Variants in CDH12 observed in about 807,000 individuals in gnomAD.
The protein encoded by CDH12 is cadherin-12.
In CDH12, 41 loss-of-function variants were observed where a neutral mutation model predicts 74.1. The observed-to-expected ratio is 0.55, with a 90% CI of 0.43 to 0.72. The LOEUF (loss-of-function observed/expected upper bound fraction) is 0.72, where lower values mean the gene tolerates loss of function less well. Among genes scored for constraint, CDH12 ranks in the 30% least tolerant of loss-of-function variants. CDH12 has a pLI of 0.00. For missense variants in CDH12, 945 were observed against 977.2 expected (o/e 0.97, Z 0.44); for synonymous variants, 399 against 355.0 (o/e 1.12, Z -1.39).
intron 1 of CDH12, among the ~76,000 whole-genome samples, chr5:22,746,814 G>T (rs1475326065): frequency 2.0e-5 from 3 of 152,130 alleles, no homozygotes; most frequent in African/African-American, 7.2e-5. Context: ...AGAATATTTA[G>T]CTTCAGATGT....
In CDH12 at chr5:21,975,128, T is replaced by G; in HGVS notation, c.489A>C (p.Gly163=). The change falls in exon 6 of 15, where the codon GGA becomes GGC. Residue 163 remains glycine (G), a synonymous_variant. Coordinates refer to ENST00000382254, the MANE Select transcript of CDH12 (RefSeq NM_004061.5). ...TTTCTGGAACAGTAGCAACATAAGG[T>G]CCATCCAAAAACTTTGGCTCATTAT... ...INDNEPKFLD[G]PYVATVPEMS... 1.3e-6 allele frequency: 2 copies of G among 1,597,172 alleles called. No homozygotes were observed. Among genetic ancestry groups the G allele is most frequent in the Non-Finnish European group, 1.7e-6 (2 of 1,179,558 alleles).
intron 1 of CDH12, among the ~76,000 whole-genome samples, chr5:22,698,012 T>A (rs956746245): frequency 1.3e-5 from 2 of 151,968 alleles, no homozygotes; most frequent in Admixed American, 6.6e-5. Flanking sequence ...AAGTCACCTA[T>A]CCTGAGGTGT....
At chr5:22,708,900 C>T (rs1378809549) in intron 1 of CDH12, among the ~76,000 whole-genome samples, 3 of 152,090 alleles carry the variant, frequency 2.0e-5, no homozygotes, top group East Asian at 1.9e-4. Context: ...TAGATGCCAC[C>T]GGCCACTGAA....
At chr5:22,736,951 G>A (rs930303344) in intron 1 of CDH12, among the ~76,000 whole-genome samples, 9 of 151,940 alleles carry the variant, frequency 5.9e-5, no homozygotes, top group East Asian at 1.9e-4. Flanking sequence ...ATTTAATTCA[G>A]AGAGTATAAT....
chr5:22,072,139 T>C (rs1337214130), intron 5 of CDH12, among the ~76,000 whole-genome samples: 2 of 152,124 alleles, frequency 1.3e-5, no homozygotes, highest in Admixed American at 1.3e-4. Context: ...ATCTTTTAAT[T>C]GGCTGTCTGA....
chr5:22,200,407 TA>T (rs1195134115), intron 4 of CDH12, among the ~76,000 whole-genome samples: 3 of 152,118 alleles, frequency 2.0e-5, no homozygotes, highest in Admixed American at 6.5e-5. Flanking sequence ...ACGTGTGAGT[TA>T]AAATATGCAT....
intron 7 of CDH12, among the ~76,000 whole-genome samples, chr5:21,844,231 G>A (rs543162368): frequency 6.6e-6 from 1 of 151,804 alleles, no homozygotes; most frequent in Admixed American, 6.6e-5. Flanking sequence ...ATAAAAATGG[G>A]GTACTATGAA....
At chr5:21,955,364 T>TACAAATGCCTATATATATATAAG (rs1756049819) in intron 6 of CDH12, among the ~76,000 whole-genome samples, 1 of 151,968 alleles carries the variant, frequency 6.6e-6, no homozygotes, top group Non-Finnish European at 1.5e-5. Flanking sequence ...TATAAGGTAT[T>TACAAATGCCTATATATATATAAG]GCATTTGTAA....
intron 1 of CDH12, among the ~76,000 whole-genome samples, chr5:22,818,826 G>A (rs903231761): frequency 5.3e-5 from 8 of 152,114 alleles, no homozygotes; most frequent in African/African-American, 1.7e-4. Context: ...TTGCTTCAAA[G>A]AGCTAACATA....
intron 1 of CDH12, among the ~76,000 whole-genome samples, chr5:22,677,482 G>T (rs56369746): frequency 0.04 from 6,036 of 152,052 alleles, 412 homozygotes; most frequent in African/African-American, 0.14. Flanking sequence ...TCACTTATAA[G>T]GGCACTAATC....
At chr5:22,724,459 C>T (rs1280980818) in intron 1 of CDH12, among the ~76,000 whole-genome samples, 6 of 151,842 alleles carry the variant, frequency 4.0e-5, no homozygotes, top group Admixed American at 3.9e-4. Context: ...GCTTAGCTCC[C>T]ACTAATAAGT....
chr5:21,765,853 A>T (rs1056872113), intron 11 of CDH12, among the ~76,000 whole-genome samples: 15 of 152,052 alleles, frequency 9.9e-5, no homozygotes. Context: ...TAAATCAATA[A>T]AGCATAAAAT....
At chr5:22,426,169 C>T (rs1186552114) in intron 2 of CDH12, among the ~76,000 whole-genome samples, 1 of 133,450 alleles carries the variant, frequency 7.5e-6, no homozygotes, top group Non-Finnish European at 1.6e-5. Context: ...CCTGGTGACA[C>T]AGGGAGAATC....
chr5:22,381,004 C>T (rs1211167072), intron 3 of CDH12, among the ~76,000 whole-genome samples: 1 of 151,982 alleles, frequency 6.6e-6, no homozygotes, highest in Non-Finnish European at 1.5e-5. Context: ...GAGGATATGA[C>T]ACTGAGTTGC....
chr5:22,392,928 C>T (rs1255542847), intron 3 of CDH12, among the ~76,000 whole-genome samples: 1 of 152,078 alleles, frequency 6.6e-6, no homozygotes, highest in Non-Finnish European at 1.5e-5. Context: ...AGAGATTTTT[C>T]ACTGTAGTCA....
rs574399597 is a variant in CDH12, at chr5:21,835,796, CA to C, written c.814+6364del. 2.6e-3 allele frequency among the ~76,000 whole-genome samples: 390 copies of C among 151,700 alleles called. 4 individuals are homozygous for C. The highest frequency in any genetic ancestry group is 2.7e-3 in the Non-Finnish European group (184 of 67,788). On this transcript the variant is annotated intron_variant, in intron 8 of 14. Coordinates refer to ENST00000382254, the MANE Select transcript of CDH12 (RefSeq NM_004061.5). ...AAACAACCAATCTAAGCCTGGCTGC[CA>C]AAAACATTAATGACAGGATGAAAAG...
At chr5:22,745,822 A>C (rs1196317730) in intron 1 of CDH12, among the ~76,000 whole-genome samples, 2 of 152,142 alleles carry the variant, frequency 1.3e-5, no homozygotes, top group African/African-American at 4.8e-5. Flanking sequence ...TACGAGGCTT[A>C]ATACCTGGGT....
At chr5:21,998,055 A>T (rs1736397234) in intron 5 of CDH12, among the ~76,000 whole-genome samples, 1 of 152,102 alleles carries the variant, frequency 6.6e-6, no homozygotes, top group Non-Finnish European at 1.5e-5. Flanking sequence ...TTAAGGCTAC[A>T]ACACGAGGCC....
At chr5:22,254,806 T>A (rs1311464596) in intron 3 of CDH12, among the ~76,000 whole-genome samples, 5 of 151,910 alleles carry the variant, frequency 3.3e-5, no homozygotes, top group African/African-American at 4.8e-5. Context: ...GATATTTTGA[T>A]ACAAACATAC....
Sources: allele counts gnomAD v4.1 joint callset (sites outside exome capture counted in the v4.1 genomes callset), GRCh38; gene constraint gnomAD v4.1.1; transcripts MANE v1.5; gene names NCBI Gene and HGNC (gene_info 2026-07-23, HGNC 2026-07-21).